Variants in FNDC3A observed in about 807,000 individuals in gnomAD.
The protein encoded by FNDC3A is fibronectin type III domain containing 3A.
A neutral mutation model predicts 148.9 loss-of-function variants in FNDC3A; 32 were observed. The ratio of observed to expected loss-of-function variants is 0.21; its 90% CI spans 0.16 to 0.29. The LOEUF is 0.29. FNDC3A is among the 10% of genes least tolerant of loss of function. The pLI, the probability that FNDC3A is intolerant of heterozygous loss-of-function variation, is 1.00. For missense variants in FNDC3A, 1,191 were observed against 1,452.8 expected (o/e 0.82, Z 2.93); for synonymous variants, 472 against 473.6 (o/e 1.00, Z 0.04).
intron 2 of FNDC3A, among the ~76,000 whole-genome samples, chr13:49,049,340 A>T (rs1593517769): frequency 6.6e-6 from 1 of 151,980 alleles, no homozygotes; most frequent in African/African-American, 2.4e-5. Flanking sequence ...TTTCAGGAGG[A>T]TTCCCCCTTT....
At chr13:49,154,214 C>A (rs919219331) in intron 8 of FNDC3A, among the ~76,000 whole-genome samples, 1 of 149,780 alleles carries the variant, frequency 6.7e-6, no homozygotes, top group Non-Finnish European at 1.5e-5. Context: ...GTTTGTAGTT[C>A]TCCTTGAAGA....
At chr13:48,998,006 AAGG>A (rs1952055467) in intron 1 of FNDC3A, among the ~76,000 whole-genome samples, 1 of 152,102 alleles carries the variant, frequency 6.6e-6, no homozygotes, top group South Asian at 2.1e-4. Flanking sequence ...CTCCATCTTC[AAGG>A]AGGACACATA....
intron 19 of FNDC3A, among the ~76,000 whole-genome samples, chr13:49,193,969 T>C (rs1886023115): frequency 6.6e-6 from 1 of 151,848 alleles, no homozygotes; most frequent in Non-Finnish European, 1.5e-5. Flanking sequence ...AGATTTATAT[T>C]TGGAATTTTG....
At chr13:49,181,797 T>C (rs1885318476) in intron 14 of FNDC3A, among the ~76,000 whole-genome samples, 1 of 152,138 alleles carries the variant, frequency 6.6e-6, no homozygotes, top group South Asian at 2.1e-4. Flanking sequence ...TAGCATATTA[T>C]TATTCTGAAG....
intron 19 of FNDC3A, among the ~76,000 whole-genome samples, chr13:49,195,892 GGTGAAACCCTGTCTCT>G (rs775871144): frequency 1.3e-5 from 2 of 151,828 alleles, no homozygotes; most frequent in Non-Finnish European, 2.9e-5. Flanking sequence ...TGGGCAACAT[GGTGAAACCCTGTCTCT>G]GTAAAAAGTA....
intron 14 of FNDC3A, among the ~76,000 whole-genome samples, chr13:49,180,919 C>G (rs533467916): frequency 1.3e-5 from 2 of 151,760 alleles, no homozygotes; most frequent in East Asian, 3.9e-4. Flanking sequence ...TTTGTTTTTT[C>G]TATTTAAAAG....
chr13:49,063,490 G>A (rs1314561527), intron 2 of FNDC3A, among the ~76,000 whole-genome samples: 2 of 152,170 alleles, frequency 1.3e-5, no homozygotes, highest in African/African-American at 4.8e-5. Context: ...GATTCAAGTT[G>A]CCCTGAATGT....
intron 2 of FNDC3A, among the ~76,000 whole-genome samples, chr13:49,064,830 A>G (rs1484020674): frequency 6.6e-6 from 1 of 152,156 alleles, no homozygotes; most frequent in Non-Finnish European, 1.5e-5. Flanking sequence ...AGGGTTTGGG[A>G]AAAAACAGGT....
intron 8 of FNDC3A, among the ~76,000 whole-genome samples, chr13:49,152,955 T>C (rs1034295559): frequency 1.3e-5 from 2 of 149,908 alleles, no homozygotes; most frequent in African/African-American, 2.4e-5. Context: ...TCTTTGCTAT[T>C]GTGAATAATG....
intron 2 of FNDC3A, among the ~76,000 whole-genome samples, chr13:49,060,604 A>C (rs1406716080): frequency 7.3e-6 from 1 of 136,332 alleles, no homozygotes; most frequent in Non-Finnish European, 1.5e-5. Context: ...AGATTGTGCC[A>C]CTGCACTCCA....
At chr13:49,022,348 G>T (rs1313480848) in intron 2 of FNDC3A, among the ~76,000 whole-genome samples, 2 of 152,068 alleles carry the variant, frequency 1.3e-5, no homozygotes, top group African/African-American at 4.8e-5. Context: ...TCTGAGATTA[G>T]CTTTTACATA....
At chr13:49,172,158 C>A in intron 11 of FNDC3A, 62 bp downstream of exon 11, 1 of 1,085,586 alleles carries the variant, frequency 9.2e-7, no homozygotes, top group East Asian at 2.5e-5. Context: ...GCAAAATTAA[C>A]TTTTTTGTTT....
intron 2 of FNDC3A, among the ~76,000 whole-genome samples, chr13:49,035,833 A>G (rs1252619616): frequency 1.3e-5 from 2 of 152,122 alleles, no homozygotes; most frequent in Non-Finnish European, 2.9e-5. Flanking sequence ...GCTGGTATCA[A>G]GCATATATTC....
intron 4 of FNDC3A, among the ~76,000 whole-genome samples, chr13:49,127,669 A>T (rs963456837): frequency 6.6e-6 from 1 of 152,146 alleles, no homozygotes; most frequent in Non-Finnish European, 1.5e-5. Flanking sequence ...AGACTAGTAT[A>T]TCTTAACAGT....
chr13:49,162,898 G>A (rs979372698), intron 8 of FNDC3A, among the ~76,000 whole-genome samples: 4 of 70,284 alleles, frequency 5.7e-5, no homozygotes, highest in African/African-American at 2.5e-4. Context: ...GAGTTTGCTG[G>A]AGGTCCACTC....
At chr13:49,048,770 A>G (rs1382094234) in intron 2 of FNDC3A, among the ~76,000 whole-genome samples, 1 of 152,130 alleles carries the variant, frequency 6.6e-6, no homozygotes, top group Non-Finnish European at 1.5e-5. Flanking sequence ...AAACAACAAC[A>G]TTTTGACTTC....
chr13:49,192,603 T>C (rs1158050710), intron 19 of FNDC3A, among the ~76,000 whole-genome samples: 2 of 152,118 alleles, frequency 1.3e-5, no homozygotes. Flanking sequence ...GGCCTAAATT[T>C]CTTATATGTC....
intron 13 of FNDC3A, among the ~76,000 whole-genome samples, chr13:49,177,796 C>T (rs1885107372): frequency 6.6e-6 from 1 of 152,048 alleles, no homozygotes; most frequent in Non-Finnish European, 1.5e-5. Context: ...AACCCAGTTA[C>T]AAAAGACTCC....
In FNDC3A at chr13:48,984,794, C is replaced by G. The variant is rs931395830; in HGVS notation, c.-40+8617C>G. The stretch of plus-strand genomic sequence containing the variant: ...CCGCCTCCCAGGTTCAAGCGATTCT[C>G]CTGCCTCAGCCTCCCAAGTAGCTGG... On this transcript the variant is annotated intron_variant, in intron 1 of 25. Transcript: ENST00000492622. Among the ~76,000 whole-genome samples, 8 of 152,248 alleles carry G rather than the reference C, an allele frequency of 5.3e-5. No homozygotes were observed. The South Asian group carries it at 1.2e-3, about 24-fold the overall frequency.
Sources: gnomAD v4.1 joint callset for allele counts (sites outside exome capture counted in the v4.1 genomes callset) on GRCh38, gnomAD v4.1.1 for gene constraint, MANE v1.5 for transcripts, NCBI Gene and HGNC (gene_info 2026-07-23, HGNC 2026-07-21) for gene names.